STPG2: variants seen among roughly 807,000 people sequenced by gnomAD.
STPG2 encodes the protein sperm tail PG-rich repeat containing 2.
Under a neutral mutation model 54.2 loss-of-function variants are expected in STPG2, and 56 were observed. The ratio of observed to expected loss-of-function variants is 1.03; its 90% CI spans 0.83 to 1.29. The LOEUF is 1.29. Among genes scored for constraint, STPG2 ranks in the 50% most tolerant of loss-of-function variants. The pLI is 0.00. For synonymous variants in STPG2, 200 were observed against 181.8 expected (o/e 1.10, Z -0.81); for missense variants, 596 against 544.9 (o/e 1.09, Z -0.93).
intron 5 of STPG2, among the ~76,000 whole-genome samples, chr4:97,988,163 C>A: frequency 6.6e-6 from 1 of 152,010 alleles, no homozygotes; most frequent in East Asian, 1.9e-4. Flanking sequence ...TGCTTCACGA[C>A]CTTGGCATTT....
intron 10 of STPG2, among the ~76,000 whole-genome samples, chr4:97,581,122 T>C (rs1732853796): frequency 6.6e-6 from 1 of 152,092 alleles, no homozygotes; most frequent in African/African-American, 2.4e-5. Context: ...CTATTTCCAT[T>C]TCAATGAATT....
chr4:97,828,319 A>G (rs1004494806), intron 9 of STPG2, among the ~76,000 whole-genome samples: 3 of 152,168 alleles, frequency 2.0e-5, no homozygotes, highest in Admixed American at 6.5e-5. Flanking sequence ...AAGGGAAGCC[A>G]TGAGGGACTG....
chr4:97,796,208 G>T (rs1188153135), intron 9 of STPG2, among the ~76,000 whole-genome samples: 6 of 152,150 alleles, frequency 3.9e-5, no homozygotes, highest in Admixed American at 3.9e-4. Context: ...AGTTTAATTA[G>T]ATCCCATTTG....
chr4:98,060,862 C>T (rs1422429062), intron 5 of STPG2, among the ~76,000 whole-genome samples: 3 of 152,130 alleles, frequency 2.0e-5, no homozygotes, highest in African/African-American at 7.2e-5. Flanking sequence ...ACTGGCTAGC[C>T]TTATATAGAA....
intron 10 of STPG2, among the ~76,000 whole-genome samples, chr4:97,614,099 A>G (rs927205997): frequency 2.6e-5 from 4 of 152,066 alleles, no homozygotes; most frequent in Admixed American, 6.6e-5. Flanking sequence ...TTCATGGAAA[A>G]AGGGAATCAA....
At chr4:97,524,850 G>A (rs1288301536) in intron 4 of STPG2, among the ~76,000 whole-genome samples, 1 of 151,898 alleles carries the variant, frequency 6.6e-6, no homozygotes, top group African/African-American at 2.4e-5. Context: ...TTCTTAAATA[G>A]TGGCCTGTGT....
chr4:97,856,785 G>T (rs1257596057), intron 8 of STPG2, among the ~76,000 whole-genome samples: 1 of 152,140 alleles, frequency 6.6e-6, no homozygotes, highest in Non-Finnish European at 1.5e-5. Context: ...GTACAATATT[G>T]GCTGTGGGTT....
intron 6 of STPG2, among the ~76,000 whole-genome samples, chr4:97,974,092 A>G (rs776967189): frequency 6.6e-6 from 1 of 152,212 alleles, no homozygotes; most frequent in African/African-American, 2.4e-5. Context: ...GAGATGCCCA[A>G]GACTGTGGGA....
chr4:97,480,047 G>A (rs916294235), intron 4 of STPG2, among the ~76,000 whole-genome samples: 2 of 151,668 alleles, frequency 1.3e-5, no homozygotes, highest in African/African-American at 4.8e-5. Context: ...TCTTTGAAAA[G>A]ATCAGTATAA....
intron 8 of STPG2, among the ~76,000 whole-genome samples, chr4:97,860,105 T>C (rs1040587755): frequency 2.6e-5 from 4 of 152,230 alleles, no homozygotes; most frequent in Non-Finnish European, 4.4e-5. Context: ...TGTACACCAG[T>C]AGCATGCTGT....
At chr4:97,721,603 T>C (rs1159761515) in intron 9 of STPG2, among the ~76,000 whole-genome samples, 1 of 152,092 alleles carries the variant, frequency 6.6e-6, no homozygotes, top group Non-Finnish European at 1.5e-5. Flanking sequence ...ATAAAAAAAA[T>C]TAAGATTTTG....
At chr4:97,905,236 C>T (rs958442243) in intron 8 of STPG2, among the ~76,000 whole-genome samples, 1 of 151,972 alleles carries the variant, frequency 6.6e-6, no homozygotes, top group African/African-American at 2.4e-5. Context: ...AAGGGAAGCC[C>T]ATCAGACTAA....
intron 10 of STPG2, among the ~76,000 whole-genome samples, chr4:97,692,614 A>G (rs1723409568): frequency 6.6e-6 from 1 of 152,228 alleles, no homozygotes; most frequent in Non-Finnish European, 1.5e-5. Flanking sequence ...AAGTTTAGAA[A>G]AGATATTTGA....
At chr4:97,860,939 A>G (rs1403970866) in intron 8 of STPG2, among the ~76,000 whole-genome samples, 5 of 152,160 alleles carry the variant, frequency 3.3e-5, no homozygotes, top group African/African-American at 1.2e-4. Flanking sequence ...GAATGGGCAG[A>G]GATTTCTTGA....
intron 1 of STPG2, 124 bp from the exon 2 acceptor site, chr4:98,134,583 C>A: frequency 5.9e-6 from 2 of 336,948 alleles, no homozygotes; most frequent in Non-Finnish European, 1.1e-5. Flanking sequence ...TCAGAACTGT[C>A]TAGTCAGAGA....
At chr4:98,051,013 G>GA (rs5860517) in intron 5 of STPG2, among the ~76,000 whole-genome samples, 46,683 of 140,878 alleles carry the variant, frequency 0.33, 7,431 homozygotes, top group Middle Eastern at 0.37. Flanking sequence ...TCAAAAAAAA[G>GA]AAAAAAAAAA....
At chr4:97,606,331 A>C (rs1733591573) in intron 10 of STPG2, among the ~76,000 whole-genome samples, 1 of 151,938 alleles carries the variant, frequency 6.6e-6, no homozygotes, top group East Asian at 1.9e-4. Flanking sequence ...CTTACTGAAT[A>C]TGACTATAAC....
At chr4:97,984,831 C>G (rs906642202) in intron 5 of STPG2, among the ~76,000 whole-genome samples, 1 of 140,314 alleles carries the variant, frequency 7.1e-6, no homozygotes, top group Non-Finnish European at 1.6e-5. Flanking sequence ...TTCACACTAC[C>G]AACATAATGT....
chr4:97,843,452 T>A (rs778073301), intron 8 of STPG2, among the ~76,000 whole-genome samples: 1 of 151,966 alleles, frequency 6.6e-6, no homozygotes, highest in Non-Finnish European at 1.5e-5. Flanking sequence ...TTAATGTGCA[T>A]AAAATTCTTA....
Sources: allele counts gnomAD v4.1 joint callset (sites outside exome capture counted in the v4.1 genomes callset), GRCh38; gene constraint gnomAD v4.1.1; transcripts MANE v1.5; gene names NCBI Gene and HGNC (gene_info 2026-07-23, HGNC 2026-07-21).